The following SLCO1A2 variants were observed in gnomAD, a reference collection of about 807,000 sequenced individuals.
SLCO1A2 encodes OATP-1.
SLCO1A2 carries 67 observed loss-of-function variants against 69.0 expected under a neutral mutation model. The observed-to-expected ratio is 0.97, with a 90% CI of 0.80 to 1.19. The LOEUF (loss-of-function observed/expected upper bound fraction) is 1.19, where lower values mean the gene tolerates loss of function less well. Among genes scored for constraint, SLCO1A2 ranks in the 50% most tolerant of loss-of-function variants. The pLI is 0.00. For missense variants in SLCO1A2, 787 were observed against 793.7 expected (o/e 0.99, Z 0.10); for synonymous variants, 260 against 265.9 (o/e 0.98, Z 0.22).
At chr12:21,299,791 CACACACACGTATATATAT>C (rs1948362595) in intron 8 of SLCO1A2, among the ~76,000 whole-genome samples, 1 of 127,330 alleles carries the variant, frequency 7.9e-6, no homozygotes. Context: ...TATATATATA[CACACACACGTATATATAT>C]ACACACACAC....
chr12:21,350,220 TAGTCTTAAGACTATAA>T (rs1216870498), intron 2 of SLCO1A2, among the ~76,000 whole-genome samples: 2 of 152,012 alleles, frequency 1.3e-5, no homozygotes, highest in Non-Finnish European at 2.9e-5. Context: ...CTTATGTATA[TAGTCTTAAGACTATAA>T]AGTCTTAAGT....
rs573835638 is a variant in SLCO1A2, at chr12:21,401,247, A to G, written c.-312+16635T>C. Reference sequence around the variant, plus strand: ...CAAAAAAGTTCCTATATTGTAATTAATAAAAGAATTTGATACAGCAACATG... The same window carrying G: ...CAAAAAAGTTCCTATATTGTAATTAGTAAAAGAATTTGATACAGCAACATG... On this transcript the variant is annotated intron_variant, in intron 1 of 4. Transcript: ENST00000413682. Among the ~76,000 whole-genome samples the G allele has an allele frequency of 5.3e-5, 8 of 152,036 alleles. No homozygotes were observed. In the East Asian group the frequency reaches 1.5e-3, roughly 29 times the overall value.
intron 1 of SLCO1A2, among the ~76,000 whole-genome samples, chr12:21,386,780 C>T (rs972447194): frequency 6.6e-6 from 1 of 151,816 alleles, no homozygotes. Flanking sequence ...GTGGAAGCAA[C>T]TTTGGAACTG....
chr12:21,266,739 TTTAC>T lies in SLCO1A2; in HGVS notation c.*2805_*2808del, dbSNP rs1361643434. On this transcript the variant is annotated 3_prime_UTR_variant, in exon 15 of 15. Transcript: ENST00000683939. ...AATGTGGAGATCTAGCAGAAACCCATTTACCTGCTGTAATGCTATCTGGCTCCAC... is the reference window on the plus strand; with the variant it reads ...AATGTGGAGATCTAGCAGAAACCCATCTGCTGTAATGCTATCTGGCTCCAC... The T allele has an allele frequency of 6.6e-6, 1 of 151,972 alleles. No homozygotes were observed. The highest frequency in any genetic ancestry group is 1.9e-4 in the East Asian group (1 of 5,178). 9.4% of individuals were successfully genotyped at this position (151,972 alleles called of 1,614,324 possible). A position where few individuals can be genotyped will look rare whatever the true frequency, so the allele number is the denominator to read the frequency against.
chr12:21,317,524 A>T (rs751892828), intron 3 of SLCO1A2, among the ~76,000 whole-genome samples: 1 of 152,106 alleles, frequency 6.6e-6, no homozygotes, highest in Non-Finnish European at 1.5e-5. Flanking sequence ...CTATGCTACC[A>T]AACTTACTTC....
Position 21,269,529 on chromosome 12 carries a change from A to C in SLCO1A2, c.*19T>G. ...ACAGCATGTTCTCTAATTCTGAAAA[A>C]AGTAATATAATAGGACAATTACAAT... On this transcript the variant is annotated 3_prime_UTR_variant, in exon 15 of 15. Coordinates refer to ENST00000683939, the MANE Select transcript of SLCO1A2 (RefSeq NM_001386879.1). The C allele has an allele frequency of 6.4e-7, 1 of 1,562,176 alleles. No homozygotes were observed. Among genetic ancestry groups the C allele is most frequent in the Non-Finnish European group, 8.8e-7 (1 of 1,136,890 alleles).
chr12:21,298,206 G>A (rs1308806091), intron 8 of SLCO1A2, among the ~76,000 whole-genome samples: 1 of 152,120 alleles, frequency 6.6e-6, no homozygotes, highest in African/African-American at 2.4e-5. Flanking sequence ...CCTCAGAGAT[G>A]CTGATTCATT....
chr12:21,329,488 A>G (rs1321447275), intron 2 of SLCO1A2, among the ~76,000 whole-genome samples: 4 of 148,692 alleles, frequency 2.7e-5, no homozygotes, highest in Non-Finnish European at 4.5e-5. Flanking sequence ...TAACCAAGGG[A>G]TTGAATATTT....
At chr12:21,329,516 A>G (rs1336102323) in intron 2 of SLCO1A2, among the ~76,000 whole-genome samples, 3 of 141,400 alleles carry the variant, frequency 2.1e-5, no homozygotes, top group East Asian at 2.0e-4. Context: ...TTTTTTTTTT[A>G]TTAGTTTGCA....
Position 21,369,994 on chromosome 12 carries a change from C to T in SLCO1A2, c.-63+4405G>A, listed in dbSNP as rs373662900. Among the ~76,000 whole-genome samples, 14 of 152,264 alleles carry T rather than the reference C, an allele frequency of 9.2e-5. No individual in the cohort carries two copies. In the East Asian group the frequency reaches 2.5e-3, roughly 27 times the overall value. On this transcript the variant is annotated intron_variant, in intron 2 of 15. Coordinates refer to the SLCO1A2 transcript ENST00000307378. ...TACGAGACAGACCAGCATAAGGTCA[C>T]ATCTGGCTATAACAAAATCATTCAA...
chr12:21,386,293 G>T (rs1359140514), intron 1 of SLCO1A2, among the ~76,000 whole-genome samples: 1 of 152,012 alleles, frequency 6.6e-6, no homozygotes, highest in Non-Finnish European at 1.5e-5. Flanking sequence ...AACAATATCT[G>T]CCTTGCAAAG....
intron 1 of SLCO1A2, among the ~76,000 whole-genome samples, chr12:21,393,942 C>T (rs144087564): frequency 2.0e-5 from 3 of 152,302 alleles, no homozygotes; most frequent in Non-Finnish European, 4.4e-5. Flanking sequence ...CCTTCAACAA[C>T]ATCTTCATGT....
chr12:21,280,343 T>C (rs1017676990), intron 12 of SLCO1A2, among the ~76,000 whole-genome samples: 1 of 152,016 alleles, frequency 6.6e-6, no homozygotes, highest in Non-Finnish European at 1.5e-5. Context: ...TAGAAACATA[T>C]GTCACTCATA....
chr12:21,413,008 T>C (rs980066466), intron 1 of SLCO1A2, among the ~76,000 whole-genome samples: 4 of 152,162 alleles, frequency 2.6e-5, no homozygotes, highest in Non-Finnish European at 5.9e-5. Context: ...GGGGACCTGC[T>C]CATCTGTTAG....
At chr12:21,315,544 A>C (rs557626933) in intron 3 of SLCO1A2, among the ~76,000 whole-genome samples, 2 of 152,344 alleles carry the variant, frequency 1.3e-5, no homozygotes, top group East Asian at 3.9e-4. Flanking sequence ...AGATTATAAA[A>C]ATTTCAAAAT....
At chr12:21,369,603 CTGA>C (rs1158533908) in intron 2 of SLCO1A2, among the ~76,000 whole-genome samples, 3 of 152,158 alleles carry the variant, frequency 2.0e-5, no homozygotes, top group South Asian at 2.1e-4. Context: ...CACATCCAGA[CTGA>C]TGTTTTAAAG....
chr12:21,293,906 A>G (rs965399601), intron 11 of SLCO1A2, 39 bp downstream of exon 11: 4 of 1,556,802 alleles, frequency 2.6e-6, no homozygotes, highest in South Asian at 2.4e-5. Flanking sequence ...GGAAGTACCA[A>G]TGCAACTCAA....
upstream of SLCO1A2, among the ~76,000 whole-genome samples, chr12:21,336,792 G>T (rs749761466): frequency 3.3e-5 from 5 of 151,962 alleles, no homozygotes; most frequent in Admixed American, 3.3e-4. Context: ...CCAGCCATGT[G>T]AACAGTCCTC....
intron 1 of SLCO1A2, among the ~76,000 whole-genome samples, chr12:21,376,076 C>T (rs1940173086): frequency 6.6e-6 from 1 of 152,056 alleles, no homozygotes; most frequent in Non-Finnish European, 1.5e-5. Flanking sequence ...AACATAAATG[C>T]TTTTACTATT....
Sources: allele counts gnomAD v4.1 joint callset (sites outside exome capture counted in the v4.1 genomes callset), GRCh38; gene constraint gnomAD v4.1.1; transcripts MANE v1.5; gene names NCBI Gene and HGNC (gene_info 2026-07-23, HGNC 2026-07-21).